Variants in UBE2H observed in about 807,000 individuals in gnomAD.
UBE2H encodes the protein ubiquitin conjugating enzyme E2 H.
A neutral mutation model predicts 29.0 loss-of-function variants in UBE2H; 3 were observed. The observed-to-expected ratio is 0.10, with a 90% CI of 0.05 to 0.27. The LOEUF (loss-of-function observed/expected upper bound fraction) is 0.27. Among genes scored for constraint, UBE2H ranks in the 10% least tolerant of loss-of-function variants. UBE2H has a pLI of 1.00. For missense variants in UBE2H, 68 were observed against 228.2 expected (o/e 0.30, Z 4.52); for synonymous variants, 69 against 82.9 (o/e 0.83, Z 0.91).
At chr7:129,876,829 A>G (rs986031853) in intron 3 of UBE2H, among the ~76,000 whole-genome samples, 1 of 152,236 alleles carries the variant, frequency 6.6e-6, no homozygotes. Context: ...CTATGCCACT[A>G]TTTCGAATAC....
At chr7:129,888,414 G>A (rs1806406483) in intron 1 of UBE2H, among the ~76,000 whole-genome samples, 1 of 152,124 alleles carries the variant, frequency 6.6e-6, no homozygotes, top group Admixed American at 6.5e-5. Flanking sequence ...CACTTCAGGA[G>A]GCTGAGGTGG....
chr7:129,843,346 G>A (rs1343053963), intron 5 of UBE2H, among the ~76,000 whole-genome samples: 1 of 145,552 alleles, frequency 6.9e-6, no homozygotes, highest in Admixed American at 7.1e-5. Flanking sequence ...CTTACATAGT[G>A]CTTACTACAA....
intron 5 of UBE2H, among the ~76,000 whole-genome samples, chr7:129,848,836 C>CTTTTTTTTTT (rs34279042): frequency 2.3e-4 from 30 of 128,730 alleles, no homozygotes; most frequent in Non-Finnish European, 4.0e-4. Context: ...AACCAGGTAG[C>CTTTTTTTTTT]TTTTTTTTTT....
chr7:129,875,813 A>C (rs930606291), intron 3 of UBE2H, among the ~76,000 whole-genome samples: 2 of 152,206 alleles, frequency 1.3e-5, no homozygotes, highest in East Asian at 1.9e-4. Flanking sequence ...CAAGTATCAA[A>C]GGCTAAAAAC....
At position 129,832,216 on chromosome 7, in the gene UBE2H, C is replaced by T. The variant is rs12535722; in HGVS notation, c.*2721G>A. The T allele has an allele frequency of 0.063, 9,514 of 152,206 alleles. 368 individuals carry two copies. The highest frequency in any genetic ancestry group is 0.091 in the Non-Finnish European group (6,215 of 68,026). 9.4% of individuals were successfully genotyped at this position (152,206 alleles called of 1,614,324 possible). A position where few individuals can be genotyped will look rare whatever the true frequency, so the allele number is the denominator to read the frequency against. On this transcript the variant is annotated 3_prime_UTR_variant, in exon 7 of 7. Coordinates refer to ENST00000355621, the MANE Select transcript of UBE2H (RefSeq NM_003344.4). ...GGCTCCTACTCCCACCTCTCCCAGG[C>T]GCAGGGAGAGGACAAAAAGCATAAG...
intron 1 of UBE2H, among the ~76,000 whole-genome samples, chr7:129,910,800 T>C (rs1806919424): frequency 6.6e-6 from 1 of 152,054 alleles, no homozygotes; most frequent in Non-Finnish European, 1.5e-5. Context: ...GAGAATCACT[T>C]GAACCCGGGA....
At chr7:129,879,488 A>T (rs1455929803) in intron 3 of UBE2H, 80 bp downstream of exon 3, 68 of 1,332,640 alleles carry the variant, frequency 5.1e-5, no homozygotes, top group Non-Finnish European at 7.1e-5. Context: ...TTCTGGCATT[A>T]ATTACCTCCC....
At chr7:129,859,771 T>C (rs1232191111) in intron 3 of UBE2H, among the ~76,000 whole-genome samples, 1 of 151,488 alleles carries the variant, frequency 6.6e-6, no homozygotes, top group East Asian at 1.9e-4. Flanking sequence ...ATCACTTCAT[T>C]TCCTTTTAGG....
intron 1 of UBE2H, among the ~76,000 whole-genome samples, chr7:129,889,363 C>T (rs987274380): frequency 1.6e-4 from 25 of 152,222 alleles, no homozygotes; most frequent in South Asian, 1.2e-3. Flanking sequence ...CACAGCTGAA[C>T]AGACCTGGCA....
intron 1 of UBE2H, among the ~76,000 whole-genome samples, chr7:129,941,267 G>A (rs1020267536): frequency 6.6e-6 from 1 of 151,828 alleles, no homozygotes; most frequent in African/African-American, 2.4e-5. Context: ...GGTTGGTCTC[G>A]AACTCCTGAG....
At chr7:129,868,649 T>C (rs55682483) in intron 3 of UBE2H, among the ~76,000 whole-genome samples, 38,008 of 144,748 alleles carry the variant, frequency 0.26, 5,032 homozygotes, top group African/African-American at 0.32. Context: ...GTAACAAGCA[T>C]ATGCAAAAGC....
At chr7:129,925,274 G>A (rs1293566920) in intron 1 of UBE2H, among the ~76,000 whole-genome samples, 1 of 151,984 alleles carries the variant, frequency 6.6e-6, no homozygotes, top group Non-Finnish European at 1.5e-5. Context: ...TTGAATCCAG[G>A]AGGCAGAGGT....
chr7:129,930,198 G>C (rs1807360547), intron 1 of UBE2H, among the ~76,000 whole-genome samples: 1 of 151,994 alleles, frequency 6.6e-6, no homozygotes, highest in Non-Finnish European at 1.5e-5. Flanking sequence ...TTTCGCTCTT[G>C]TTGCCCACGC....
intron 1 of UBE2H, among the ~76,000 whole-genome samples, chr7:129,930,909 CAAAAAAAA>C (rs71175050): frequency 1.2e-4 from 4 of 34,292 alleles, no homozygotes; most frequent in Admixed American, 4.5e-4. Context: ...CCCCGTCTCA[CAAAAAAAA>C]AAAAAAAAAA....
At chr7:129,951,299 C>T (rs1807869836) in intron 1 of UBE2H, 2 of 152,046 alleles carry the variant, frequency 1.3e-5, no homozygotes, top group Admixed American at 6.6e-5. Context: ...AGCCAAACAA[C>T]TTGAGTTATA....
intron 6 of UBE2H, among the ~76,000 whole-genome samples, chr7:129,837,951 C>T (rs139495473): frequency 0.016 from 2,378 of 152,268 alleles, 20 homozygotes; most frequent in Non-Finnish European, 0.024. Flanking sequence ...AGGGCTACTG[C>T]TAAATTGTTG....
At position 129,836,879 on chromosome 7, in the gene UBE2H, C is replaced by CAA. The variant is rs61226846; in HGVS notation, c.428-1820_428-1819dup. ...TAGGCGACAGGGCAAGACTCCGTCT[C>CAA]AAAAAAAAAAAAAAAAAAAAAAAAA... On this transcript the variant is annotated intron_variant, in intron 6 of 6. Transcript: ENST00000355621. 7.6e-3 allele frequency among the ~76,000 whole-genome samples: 561 copies of CAA among 73,652 alleles called. 42 individuals are homozygous for CAA. Among genetic ancestry groups the CAA allele is most frequent in the African/African-American group, 0.022 (437 of 19,976 alleles). 48.3% of individuals were successfully genotyped at this position (73,652 alleles called of 152,430 possible).
intron 5 of UBE2H, among the ~76,000 whole-genome samples, chr7:129,852,421 C>T (rs1173220041): frequency 4.6e-5 from 7 of 151,322 alleles, no homozygotes; most frequent in African/African-American, 1.7e-4. Flanking sequence ...GAACTGAGAT[C>T]GTGCCACTGC....
In UBE2H at chr7:129,939,088, C is replaced by T. The variant is rs116819782; in HGVS notation, c.53+13415G>A. 7.2e-3 allele frequency among the ~76,000 whole-genome samples: 1,090 copies of T among 152,300 alleles called. 16 individuals are homozygous for T. Among genetic ancestry groups the T allele is most frequent in the African/African-American group, 0.025 (1,047 of 41,556 alleles). On this transcript the variant is annotated intron_variant, in intron 1 of 6. Transcript: ENST00000355621. Reference sequence around the variant, plus strand: ...TGCTACGATTACAGGCATGAGCCACCACGCCCGGCCTCTAGTTTGAATTAA... The same window carrying T: ...TGCTACGATTACAGGCATGAGCCACTACGCCCGGCCTCTAGTTTGAATTAA...
Sources: gnomAD v4.1 joint callset for allele counts (sites outside exome capture counted in the v4.1 genomes callset) on GRCh38, gnomAD v4.1.1 for gene constraint, MANE v1.5 for transcripts, NCBI Gene and HGNC (gene_info 2026-07-23, HGNC 2026-07-21) for gene names.